ANKRD22: variants seen among roughly 807,000 people sequenced by gnomAD.
ANKRD22 encodes ankyrin repeat domain-containing protein 22.
In ANKRD22, 24 loss-of-function variants were observed where a neutral mutation model predicts 25.7. The ratio of observed to expected loss-of-function variants is 0.93; its 90% CI spans 0.68 to 1.31. The LOEUF (loss-of-function observed/expected upper bound fraction) is 1.31. ANKRD22 is among the 50% of genes most tolerant of loss of function. ANKRD22 has a pLI of 0.00. For synonymous variants in ANKRD22, 84 were observed against 84.3 expected (o/e 1.00, Z 0.02); for missense variants, 214 against 227.1 (o/e 0.94, Z 0.37).
At chr10:88,834,480 C>A (rs1843934204) in intron 1 of ANKRD22, among the ~76,000 whole-genome samples, 1 of 152,146 alleles carries the variant, frequency 6.6e-6, no homozygotes, top group Non-Finnish European at 1.5e-5. Context: ...GTGAGCACTA[C>A]TCATCAAGCA....
intron 4 of ANKRD22, among the ~76,000 whole-genome samples, chr10:88,825,005 T>TCACACACACA (rs1483035899): frequency 1.8e-4 from 17 of 92,264 alleles, no homozygotes; most frequent in East Asian, 3.8e-4. Context: ...TCTCTCTCTC[T>TCACACACACA]CTCTCTCACA....
intron 1 of ANKRD22, 83 bp from the exon 2 acceptor site, chr10:88,832,109 C>A: frequency 7.4e-7 from 1 of 1,360,342 alleles, no homozygotes; most frequent in East Asian, 2.4e-5. Context: ...TAACCCAATA[C>A]ATTAAAATTT....
At position 88,820,530 on chromosome 10, in the gene ANKRD22, A is replaced by T. The variant is rs754495553; in HGVS notation, c.*2411T>A. On this transcript the variant is annotated 3_prime_UTR_variant, in exon 6 of 6. Coordinates refer to ENST00000371930, the MANE Select transcript of ANKRD22 (RefSeq NM_144590.3). Reference sequence around the variant, plus strand: ...ATCTGACACTGACGATCTTAGGACAACCTCCTGAGGGATGGGGCTAGGACC... The same window carrying T: ...ATCTGACACTGACGATCTTAGGACATCCTCCTGAGGGATGGGGCTAGGACC... 3 of 1,538,742 alleles carry T rather than the reference A, an allele frequency of 1.9e-6. No individual in the cohort carries two copies. The highest frequency in any genetic ancestry group is 2.6e-6 in the Non-Finnish European group (3 of 1,142,146).
chr10:88,850,576 G>A (rs1236585331), intron 1 of ANKRD22, among the ~76,000 whole-genome samples: 1 of 152,118 alleles, frequency 6.6e-6, no homozygotes, highest in African/African-American at 2.4e-5. Context: ...GGAGTCCCTT[G>A]AAACTGCATT....
Position 88,823,014 on chromosome 10 carries a change from C to G in ANKRD22, c.503G>C (p.Gly168Ala). ...RADPTIKNKHGESSLDIARRL... is the reference protein window; with the variant it reads ...RADPTIKNKHAESSLDIARRL... ...CCGTGCAATATCCAGTGAGCTCTCA[C>G]CATGCTGAGGGGGGAAAAATATACA... Residue 168 changes from glycine to alanine, a missense_variant, in exon 6 of 6, where the codon GGT (glycine) becomes GCT (alanine). Physicochemically the swap from Gly to Ala is moderately conservative, Grantham distance 60 (BLOSUM62 0). Coordinates refer to ENST00000371930, the MANE Select transcript of ANKRD22 (RefSeq NM_144590.3). 1 of 1,613,186 alleles carries G rather than the reference C, an allele frequency of 6.2e-7. No homozygotes were observed. Among genetic ancestry groups the G allele is most frequent in the African/African-American group, 1.3e-5 (1 of 74,970 alleles).
intron 1 of ANKRD22, among the ~76,000 whole-genome samples, chr10:88,833,156 G>T (rs1843923077): frequency 6.6e-6 from 1 of 152,148 alleles, no homozygotes; most frequent in Non-Finnish European, 1.5e-5. Flanking sequence ...TGAAGTTCAG[G>T]CCGTAAACCC....
intron 2 of ANKRD22, among the ~76,000 whole-genome samples, chr10:88,829,963 T>G (rs1245314853): frequency 6.6e-6 from 1 of 152,144 alleles, no homozygotes; most frequent in African/African-American, 2.4e-5. Flanking sequence ...TATTATTATT[T>G]TGTGTAGAGA....
chr10:88,834,517 T>C lies in ANKRD22; in HGVS notation c.22-2491A>G, dbSNP rs11202869. ...TTGGAAATTGGTGGTCTACCATGAA[T>C]AGCTTGGAAACAAGTGGCTTTAGAG... On this transcript the variant is annotated intron_variant, in intron 1 of 5. Coordinates refer to ENST00000371930, the MANE Select transcript of ANKRD22 (RefSeq NM_144590.3). Among the ~76,000 whole-genome samples, 194 of 152,364 alleles carry C rather than the reference T, an allele frequency of 1.3e-3. 1 individual carries two copies. The highest frequency in any genetic ancestry group is 6.8e-3 in the Middle Eastern group (2 of 294).
At chr10:88,847,252 ACT>A (rs1844057217) in intron 1 of ANKRD22, among the ~76,000 whole-genome samples, 2 of 149,970 alleles carry the variant, frequency 1.3e-5, no homozygotes, top group South Asian at 4.2e-4. Flanking sequence ...TCAACACCAT[ACT>A]CTTTTTTTAT....
Position 88,831,984 on chromosome 10 carries a change from A to T in ANKRD22, c.64T>A (p.Trp22Arg), listed in dbSNP as rs765816273. Reference protein sequence around the residue: ...AAYQNDFGQVWRWVKEDSSYA... With the variant: ...AAYQNDFGQVRRWVKEDSSYA... The stretch of plus-strand genomic sequence containing the variant: ...CTGCTGTCTTCTTTCACCCACCGCC[A>T]CACTTGTCCAAAGTCATTCTGATAG... Residue 22 changes from tryptophan to arginine, a missense_variant, in exon 2 of 6, where the codon TGG becomes AGG. Coordinates refer to ENST00000371930, the MANE Select transcript of ANKRD22 (RefSeq NM_144590.3). 12 of 1,613,466 alleles carry T rather than the reference A, an allele frequency of 7.4e-6. No individual in the cohort carries two copies. Among genetic ancestry groups the T allele is most frequent in the African/African-American group, 4.0e-5 (3 of 74,858 alleles).
intron 3 of ANKRD22, among the ~76,000 whole-genome samples, chr10:88,827,190 A>G (rs1564602707): frequency 1.3e-5 from 2 of 149,188 alleles, no homozygotes; most frequent in East Asian, 4.0e-4. Context: ...GTCACCTCCT[A>G]AACTGCCTTT....
chr10:88,823,630 G>A (rs895863950), intron 4 of ANKRD22: 8 of 368,110 alleles, frequency 2.2e-5, no homozygotes, highest in Admixed American at 1.6e-4. Flanking sequence ...GATCGAGACC[G>A]TCCTGGCTAA....
At chr10:88,827,650 A>C (rs953907184) in intron 3 of ANKRD22, among the ~76,000 whole-genome samples, 1 of 152,222 alleles carries the variant, frequency 6.6e-6, no homozygotes, top group Non-Finnish European at 1.5e-5. Flanking sequence ...TATAAATCCA[A>C]ATATAAAAAT....
chr10:88,826,090 G>A lies in ANKRD22; in HGVS notation c.347C>T (p.Ala116Val). ...LMVSKTKQNE[A>V]LVRMLLDAGV... is the part of the protein sequence containing the mutation. Reference sequence around the variant, plus strand: ...AGCATCAAGTAGCATTCGTACAAGAGCCTCATTCTGCTTTGTCTTTGATAC... The same window carrying A: ...AGCATCAAGTAGCATTCGTACAAGAACCTCATTCTGCTTTGTCTTTGATAC... The change falls in exon 4 of 6, where the codon GCT becomes GTT. Residue 116 changes from alanine to valine, a missense_variant. Coordinates refer to ENST00000371930, the MANE Select transcript of ANKRD22 (RefSeq NM_144590.3). 3 of 1,612,668 alleles carry A rather than the reference G, an allele frequency of 1.9e-6. No homozygotes were observed. The highest frequency in any genetic ancestry group is 2.7e-5 in the African/African-American group (2 of 74,998).
chr10:88,820,136 A>G lies in ANKRD22; in HGVS notation c.*2805T>C, dbSNP rs1843769307. On this transcript the variant is annotated 3_prime_UTR_variant, in exon 6 of 6. Coordinates refer to ENST00000371930, the MANE Select transcript of ANKRD22 (RefSeq NM_144590.3). ...CTAACACCCATGTACCCTTCACCACAACAGATGGCATGTTTATTATGTCTA... is the reference window on the plus strand; with the variant it reads ...CTAACACCCATGTACCCTTCACCACGACAGATGGCATGTTTATTATGTCTA... 9 of 1,043,162 alleles carry G rather than the reference A, an allele frequency of 8.6e-6. No individual in the cohort carries two copies. Among genetic ancestry groups the G allele is most frequent in the South Asian group, 8.2e-5 (5 of 61,104 alleles). The allele number at this position is 1,043,162 out of a possible 1,614,324, so 64.6% of individuals were successfully genotyped here.
rs912612770 is a variant in ANKRD22 at position 88,822,273 on chromosome 10, T to C, written c.*668A>G. On this transcript the variant is annotated 3_prime_UTR_variant, in exon 6 of 6. Transcript: ENST00000371930. ...CGCTGACACTTGATAGATGTTTTTA[T>C]TGAAATTCCTTCACCAAAGGAATAT... is the stretch of plus-strand genomic sequence containing the variant. 6.6e-5 allele frequency: 10 copies of C among 152,236 alleles called. No individual in the cohort carries two copies. Among genetic ancestry groups the C allele is most frequent in the African/African-American group, 2.2e-4 (9 of 41,468 alleles). 9.4% of individuals were successfully genotyped at this position (152,236 alleles called of 1,614,324 possible).
Sources: gnomAD v4.1 joint callset for allele counts (sites outside exome capture counted in the v4.1 genomes callset) on GRCh38, gnomAD v4.1.1 for gene constraint, MANE v1.5 for transcripts, NCBI Gene and HGNC (gene_info 2026-07-23, HGNC 2026-07-21) for gene names.